The following CD36 variants were observed in gnomAD, a reference collection of about 807,000 sequenced individuals.
The protein encoded by CD36 is platelet glycoprotein 4.
Under a neutral mutation model 55.2 loss-of-function variants are expected in CD36, and 119 were observed. The ratio of observed to expected loss-of-function variants is 2.15; its 90% CI spans 1.86 to 2.51. CD36 has a LOEUF of 2.51. CD36 is among the 30% of genes most tolerant of loss of function. CD36 has a pLI of 0.00. For missense variants in CD36, 819 were observed against 555.5 expected (o/e 1.47, Z -4.77); for synonymous variants, 186 against 193.6 (o/e 0.96, Z 0.33).
Position 80,672,223 on chromosome 7 carries a change from TA to T in CD36, c.1125+187del, listed in dbSNP as rs796797336. Among the ~76,000 whole-genome samples the T allele has an allele frequency of 3.3e-5, 5 of 151,988 alleles. No homozygotes were observed. The South Asian group carries it at 1.0e-3, about 32-fold the overall frequency. On this transcript the variant is annotated intron_variant, in intron 11 of 14. Coordinates refer to ENST00000447544, the MANE Select transcript of CD36 (RefSeq NM_001001548.3). ...GTTTATGAAGTGATTCTAATTGGCTTAAAATAATTTTATATAAATATTTATG... is the reference window on the plus strand; with the variant it reads ...GTTTATGAAGTGATTCTAATTGGCTTAAATAATTTTATATAAATATTTATG...
Position 80,664,458 on chromosome 7 carries a change from TAAGTA to T in CD36, c.667_671del (p.Lys223CysfsTer7), listed in dbSNP as rs748431584. 5.6e-5 allele frequency: 88 copies of T among 1,583,584 alleles called. No homozygotes were observed. In the African/African-American group the frequency reaches 8.2e-4, roughly 15 times the overall value. On this transcript the variant is annotated frameshift_variant, in exon 7 of 15. Coordinates refer to ENST00000447544, the MANE Select transcript of CD36 (RefSeq NM_001001548.3). LOFTEE classifies it high-confidence loss of function. ...AAAGTTTTCAATGGAAAAGATAACA[TAAGTA>T]AAGTTGCCATAATCGACACATATAA...
intron 1 of CD36, among the ~76,000 whole-genome samples, chr7:80,608,049 C>T (rs552022219): frequency 5.3e-5 from 8 of 152,192 alleles, no homozygotes; most frequent in East Asian, 3.9e-4. Context: ...GGATTACAGG[C>T]GTGAGCCATA....
rs995415747 is a variant in CD36 at position 80,677,726 on chromosome 7, T to A, written c.*1343T>A. 1 of 152,138 alleles carries A rather than the reference T, an allele frequency of 6.6e-6. No homozygotes were observed. The highest frequency in any genetic ancestry group is 1.5e-5 in the Non-Finnish European group (1 of 68,044). The allele number at this position is 152,138 out of a possible 1,614,324, so 9.4% of individuals were successfully genotyped here. A position where few individuals can be genotyped will look rare whatever the true frequency, so the allele number is the denominator to read the frequency against. ...ATGTCCATCTAATATAAAGGAAAGTTTTTTAATCATTGAGGCATGTAGGGC... is the reference window on the plus strand; with the variant it reads ...ATGTCCATCTAATATAAAGGAAAGTATTTTAATCATTGAGGCATGTAGGGC... On this transcript the variant is annotated 3_prime_UTR_variant, in exon 15 of 15. Transcript: ENST00000447544.
intron 3 of CD36, among the ~76,000 whole-genome samples, chr7:80,648,643 C>A (rs908232358): frequency 2.6e-5 from 4 of 151,602 alleles, no homozygotes; most frequent in Admixed American, 6.6e-5. Flanking sequence ...AAGCTATAAC[C>A]AGGGGAAGAT....
chr7:80,671,260 A>C (rs1797650898), intron 10 of CD36, 96 bp downstream of exon 10: 1 of 760,794 alleles, frequency 1.3e-6, no homozygotes. Flanking sequence ...CCAAAATTTA[A>C]AATATATCAT....
chr7:80,636,668 A>G (rs1193027044), upstream of CD36, among the ~76,000 whole-genome samples: 1 of 152,190 alleles, frequency 6.6e-6, no homozygotes, highest in Non-Finnish European at 1.5e-5. Flanking sequence ...GCTCACATAA[A>G]ACACATCCCT....
rs1354663444 is a variant in CD36 at position 80,672,017 on chromosome 7, A to AGGACATACTT, written c.1106_1115dup (p.Glu374LeufsTer4). ...ATTAAACCCAAATGAAGAAGAACAT[A>AGGACATACTT]GGACATACTTGGATATTGAACCTGT... On this transcript the variant is annotated frameshift_variant, in exon 11 of 15. Transcript: ENST00000447544. LOFTEE classifies it high-confidence loss of function. 1.2e-6 allele frequency: 2 copies of AGGACATACTT among 1,608,138 alleles called. No homozygotes were observed. The highest frequency in any genetic ancestry group is 2.2e-5 in the South Asian group (2 of 90,918).
intron 14 of CD36, chr7:80,674,421 T>C (rs1798064932): frequency 5.2e-6 from 2 of 383,648 alleles, no homozygotes; most frequent in South Asian, 5.4e-5. Context: ...TTGTCCAAAA[T>C]TGACTGGTTC....
chr7:80,673,546 AACCTATTTG>A (rs1797940584), intron 13 of CD36, 137 bp downstream of exon 13: 1 of 674,726 alleles, frequency 1.5e-6, no homozygotes, highest in Non-Finnish European at 2.7e-6. Flanking sequence ...ACATTTATTT[AACCTATTTG>A]AGATGATCCA....
chr7:80,640,781 C>T (rs1448339888), intron 1 of CD36, among the ~76,000 whole-genome samples: 1 of 151,900 alleles, frequency 6.6e-6, no homozygotes, highest in Non-Finnish European at 1.5e-5. Context: ...CTAGAAGGAT[C>T]CCAAGTATAA....
intron 3 of CD36, 59 bp downstream of exon 3, chr7:80,646,919 T>A (rs763055165): frequency 2.5e-6 from 4 of 1,588,302 alleles, no homozygotes; most frequent in Non-Finnish European, 3.5e-6. Flanking sequence ...TTCTCTTTTT[T>A]TGCTTTGTAT....
chr7:80,671,085 C>A lies in CD36; in HGVS notation c.927C>A (p.Asn309Lys), dbSNP rs1562821861. The change falls in exon 10 of 15, where the codon AAC (asparagine) becomes AAA (lysine). Residue 309 changes from asparagine to lysine, a missense_variant. Physicochemically the swap from Asn to Lys is moderately conservative, Grantham distance 94. Coordinates refer to ENST00000447544, the MANE Select transcript of CD36 (RefSeq NM_001001548.3). The stretch of plus-strand genomic sequence containing the variant: ...CCTCTCCAGTTGAAAACCCAGACAA[C>A]TATTGTTTCTGCACAGAAAAAATTA... ...AFASPVENPD[N>K]YCFCTEKIIS... is the part of the protein sequence containing the mutation. 5 of 1,612,566 alleles carry A rather than the reference C, an allele frequency of 3.1e-6. No individual in the cohort carries two copies. The highest frequency in any genetic ancestry group is 4.2e-6 in the Non-Finnish European group (5 of 1,178,780).
chr7:80,652,160 C>G (rs3211841), intron 3 of CD36, among the ~76,000 whole-genome samples: 3 of 152,030 alleles, frequency 2.0e-5, no homozygotes, highest in Non-Finnish European at 4.4e-5. Context: ...GAATTAAACA[C>G]TATGTATATG....
chr7:80,629,028 A>C (rs1250302009), intron 1 of CD36, among the ~76,000 whole-genome samples: 1 of 152,092 alleles, frequency 6.6e-6, no homozygotes, highest in Non-Finnish European at 1.5e-5. Context: ...AGCAGTTCCT[A>C]GATTGACTTT....
intron 1 of CD36, among the ~76,000 whole-genome samples, chr7:80,640,427 T>G (rs1460835676): frequency 6.6e-6 from 1 of 152,032 alleles, no homozygotes; most frequent in Non-Finnish European, 1.5e-5. Context: ...TTCTACAATA[T>G]AAATATATAT....
chr7:80,620,587 T>C (rs1416168335), intron 1 of CD36, among the ~76,000 whole-genome samples: 2 of 152,114 alleles, frequency 1.3e-5, no homozygotes, highest in African/African-American at 2.4e-5. Context: ...CCCAGTCCTC[T>C]TGAGTTTTTA....
upstream of CD36, among the ~76,000 whole-genome samples, chr7:80,635,344 G>T (rs1794332006): frequency 6.6e-6 from 1 of 152,002 alleles, no homozygotes; most frequent in Non-Finnish European, 1.5e-5. Flanking sequence ...CACAATCTTA[G>T]CTCACTGCAA....
intron 1 of CD36, among the ~76,000 whole-genome samples, chr7:80,608,016 C>T (rs1273489964): frequency 7.9e-5 from 12 of 152,114 alleles, no homozygotes; most frequent in South Asian, 4.1e-4. Context: ...GTGATCCGCC[C>T]GCCTCGGCCT....
At chr7:80,651,227 G>T (rs190598768) in intron 3 of CD36, among the ~76,000 whole-genome samples, 1 of 152,074 alleles carries the variant, frequency 6.6e-6, no homozygotes, top group East Asian at 1.9e-4. Context: ...AGACACCTGG[G>T]GCTAATCGAG....
Sources: gnomAD v4.1 joint callset for allele counts (sites outside exome capture counted in the v4.1 genomes callset) on GRCh38, gnomAD v4.1.1 for gene constraint, MANE v1.5 for transcripts, NCBI Gene and HGNC (gene_info 2026-07-23, HGNC 2026-07-21) for gene names.